ARAP2: variants seen among roughly 807,000 people sequenced by gnomAD.
ARAP2 encodes the protein ArfGAP with RhoGAP domain, ankyrin repeat and PH domain 2, also known as arf-GAP with Rho-GAP domain, ANK repeat and PH domain-containing protein 2.
In ARAP2, 148 loss-of-function variants were observed where a neutral mutation model predicts 194.5. That is an observed-to-expected ratio of 0.76 (90% CI 0.67 to 0.87). The LOEUF is 0.87. ARAP2 is among the 40% of genes least tolerant of loss of function. ARAP2 has a pLI of 0.00. For synonymous variants in ARAP2, 695 were observed against 683.5 expected, an observed-to-expected ratio of 1.02 and a Z score of -0.26; for missense variants, 2,128 against 1,989.7, an observed-to-expected ratio of 1.07 and a Z score of -1.32.
chr4:36,128,088 A>T (rs1246155416), intron 21 of ARAP2, among the ~76,000 whole-genome samples: 1 of 151,980 alleles, frequency 6.6e-6, no homozygotes, highest in Non-Finnish European at 1.5e-5. Context: ...AGCAAAAGTT[A>T]AAAAAATTGT....
In ARAP2 at chr4:36,187,272, CAAAT is replaced by C. The variant is rs781743100; in HGVS notation, c.1678+175_1678+178del. ...AATATTTGTTGCATGAAAGAGGAAA[CAAAT>C]AACTTGTCAACTTATTTATGTTTTA... On this transcript the variant is annotated intron_variant, in intron 8 of 32. Coordinates refer to ENST00000303965, the MANE Select transcript of ARAP2 (RefSeq NM_015230.4). Among the ~76,000 whole-genome samples, 13 of 152,174 alleles carry C rather than the reference CAAAT, an allele frequency of 8.5e-5. No homozygotes were observed. The East Asian group carries it at 2.3e-3, about 27-fold the overall frequency.
rs1309264882 is a variant in ARAP2 at position 36,212,456 on chromosome 4, T to C, written c.1073A>G (p.Gln358Arg). Residue 358 changes from glutamine to arginine, a missense_variant, in exon 5 of 33, where the codon CAG (glutamine) becomes CGG (arginine). Transcript: ENST00000303965. The part of the protein sequence containing the change: ...KRSIKNEFLT[Q>R]GEALKGEAAT... ...TGCTTCCCCTTTGAGTGCTTCTCCC[T>C]GGGTCAAAAATTCATTCTTTATAGA... 4 of 1,612,338 alleles carry C rather than the reference T, an allele frequency of 2.5e-6. No individual in the cohort carries two copies. Among genetic ancestry groups the C allele is most frequent in the Non-Finnish European group, 1.7e-6 (2 of 1,178,802 alleles).
intron 5 of ARAP2, among the ~76,000 whole-genome samples, chr4:36,038,699 C>T (rs997780996): frequency 6.6e-6 from 1 of 152,068 alleles, no homozygotes; most frequent in Non-Finnish European, 1.5e-5. Flanking sequence ...GAAGCAACAC[C>T]ATAAGGAAAA....
At chr4:36,178,651 C>T (rs1014146356) in intron 8 of ARAP2, among the ~76,000 whole-genome samples, 2 of 152,152 alleles carry the variant, frequency 1.3e-5, no homozygotes, top group East Asian at 1.9e-4. Flanking sequence ...GGAATTCGAT[C>T]TAGTCCCCAA....
At position 36,036,976 on chromosome 4, in the gene ARAP2, G is replaced by A. The variant is rs546980559; in HGVS notation, n.607+9003C>T. 3.3e-5 allele frequency among the ~76,000 whole-genome samples: 5 copies of A among 152,148 alleles called. No individual in the cohort carries two copies. In the East Asian group the frequency reaches 7.7e-4, roughly 23 times the overall value. On this transcript the variant is annotated intron_variant and non_coding_transcript_variant, in intron 5 of 12. Coordinates refer to the ARAP2 transcript ENST00000503225. Reference sequence around the variant, plus strand: ...TCTTCTTTCATGTGATAACCCATTGGATTATAAAGGTAGTTTTCATGTTCT... The same window carrying A: ...TCTTCTTTCATGTGATAACCCATTGAATTATAAAGGTAGTTTTCATGTTCT...
intron 5 of ARAP2, among the ~76,000 whole-genome samples, chr4:36,036,750 C>A (rs1479900076): frequency 6.6e-6 from 1 of 152,096 alleles, no homozygotes; most frequent in Non-Finnish European, 1.5e-5. Context: ...CTCTAAGTTT[C>A]TGTTATATAG....
chr4:36,083,158 A>G (rs1729987433), intron 29 of ARAP2, among the ~76,000 whole-genome samples: 1 of 152,066 alleles, frequency 6.6e-6, no homozygotes, highest in Admixed American at 6.6e-5. Context: ...GCTTGGTCTC[A>G]GTCTCAGTGG....
At position 36,086,538 on chromosome 4, in the gene ARAP2, A is replaced by G. The variant is rs1711898830; in HGVS notation, c.4426-3088T>C. Among the ~76,000 whole-genome samples, 5 of 152,258 alleles carry G rather than the reference A, an allele frequency of 3.3e-5. No individual in the cohort carries two copies. The South Asian group carries it at 1.0e-3, about 32-fold the overall frequency. On this transcript the variant is annotated intron_variant, in intron 28 of 32. Transcript: ENST00000303965. ...AGATCTTAATGGAAAGTTCTATAAAAGGAAATGTCATTTGGCAAGATCGCT... is the reference window on the plus strand; with the variant it reads ...AGATCTTAATGGAAAGTTCTATAAAGGGAAATGTCATTTGGCAAGATCGCT...
At position 36,098,232 on chromosome 4, in the gene ARAP2, T is replaced by C. The variant is rs193194937; in HGVS notation, c.4286-6212A>G. Among the ~76,000 whole-genome samples, 311 of 152,150 alleles carry C rather than the reference T, an allele frequency of 2.0e-3. 2 individuals are homozygous for C. Among genetic ancestry groups the C allele is most frequent in the African/African-American group, 6.8e-3 (283 of 41,530 alleles). The stretch of plus-strand genomic sequence containing the variant: ...CCAGGAATGGCATTTCTCAGATATA[T>C]ATCCCCCGCTTTACCCTCCATGTCC... On this transcript the variant is annotated intron_variant, in intron 27 of 32. Transcript: ENST00000303965.
intron 5 of ARAP2, among the ~76,000 whole-genome samples, chr4:36,212,044 A>C (rs1276537294): frequency 7.9e-5 from 1 of 12,624 alleles, no homozygotes; most frequent in Non-Finnish European, 1.9e-4. Context: ...AAAAGTCTGC[A>C]ACTTGCATAG....
At chr4:36,200,445 G>A (rs1224666820) in intron 6 of ARAP2, among the ~76,000 whole-genome samples, 2 of 151,966 alleles carry the variant, frequency 1.3e-5, no homozygotes, top group African/African-American at 4.8e-5. Flanking sequence ...AGTAGAGATG[G>A]GGTTTCTCCG....
At chr4:36,194,826 T>C (rs1578232805) in intron 6 of ARAP2, among the ~76,000 whole-genome samples, 1 of 152,194 alleles carries the variant, frequency 6.6e-6, no homozygotes, top group African/African-American at 2.4e-5. Context: ...TAAATTTACA[T>C]GTAAATATCT....
intron 3 of ARAP2, among the ~76,000 whole-genome samples, chr4:36,213,566 T>C (rs1747236944): frequency 6.6e-6 from 1 of 152,032 alleles, no homozygotes; most frequent in Admixed American, 6.6e-5. Context: ...TTGCAACCTG[T>C]CACACATGTC....
chr4:36,095,657 A>G (rs1434241493), intron 27 of ARAP2, among the ~76,000 whole-genome samples: 1 of 152,192 alleles, frequency 6.6e-6, no homozygotes, highest in Non-Finnish European at 1.5e-5. Flanking sequence ...AATCATTTCA[A>G]CTAATTTTTG....
chr4:36,087,182 G>T (rs955247470), intron 28 of ARAP2, among the ~76,000 whole-genome samples: 1 of 151,814 alleles, frequency 6.6e-6, no homozygotes, highest in Non-Finnish European at 1.5e-5. Flanking sequence ...AGTTAACATC[G>T]CCAATGGCTT....
At chr4:36,153,348 G>A (rs1370276579) in intron 15 of ARAP2, among the ~76,000 whole-genome samples, 1 of 152,040 alleles carries the variant, frequency 6.6e-6, no homozygotes. Context: ...GGTCTGTTTG[G>A]GCCAATTTAG....
intron 1 of ARAP2, among the ~76,000 whole-genome samples, chr4:36,240,478 T>A (rs1753301833): frequency 6.6e-6 from 1 of 152,226 alleles, no homozygotes; most frequent in East Asian, 1.9e-4. Context: ...CAAAGCACAG[T>A]GATTTACCAG....
chr4:36,187,754 A>G (rs531098786), intron 7 of ARAP2, among the ~76,000 whole-genome samples, 183 bp from the exon 8 acceptor site: 2 of 152,208 alleles, frequency 1.3e-5, no homozygotes, highest in African/African-American at 4.8e-5. Flanking sequence ...GAAACTATTA[A>G]ATATCCCCTT....
At chr4:36,210,160 T>TTTTAATTTGCGACTA (rs1439716717) in intron 6 of ARAP2, among the ~76,000 whole-genome samples, 33 of 152,156 alleles carry the variant, frequency 2.2e-4, no homozygotes, top group Non-Finnish European at 5.9e-5. Flanking sequence ...TAACTTTCTA[T>TTTTAATTTGCGACTA]TTTAATTTGC....
Sources: gnomAD v4.1 joint callset for allele counts (sites outside exome capture counted in the v4.1 genomes callset) on GRCh38, gnomAD v4.1.1 for gene constraint, MANE v1.5 for transcripts, NCBI Gene and HGNC (gene_info 2026-07-23, HGNC 2026-07-21) for gene names.